Variants in PCDHGC4 observed in about 807,000 individuals in gnomAD.
PCDHGC4 encodes protocadherin gamma subfamily C, 4, also known as protocadherin gamma-C4.
PCDHGC4 carries 15 observed loss-of-function variants against 59.7 expected under a neutral mutation model. The ratio of observed to expected loss-of-function variants is 0.25; its 90% CI spans 0.17 to 0.39. PCDHGC4 has a LOEUF of 0.39. PCDHGC4 is among the 10% of genes least tolerant of loss of function. PCDHGC4 has a pLI of 1.00. For synonymous variants in PCDHGC4, 434 were observed against 481.4 expected, an observed-to-expected ratio of 0.90 and a Z score of 1.29; for missense variants, 1,016 against 1,189.5, an observed-to-expected ratio of 0.85 and a Z score of 2.15.
intron 3 of PCDHGC4, among the ~76,000 whole-genome samples, chr5:141,507,809 C>T (rs866898784): frequency 2.0e-5 from 3 of 152,206 alleles, no homozygotes; most frequent in Non-Finnish European, 2.9e-5. Flanking sequence ...CCCTGGGGAA[C>T]GGACCCTGGG....
chr5:141,485,278 C>T lies in PCDHGC4; in HGVS notation c.105C>T (p.Val35=). Residue 35 remains valine (V), a synonymous_variant, in exon 1 of 4, where the codon GTC becomes GTT. Transcript: ENST00000306593. The surrounding 1 kb of genome is among the most constrained non-coding windows in gnomAD (Gnocchi z 5.7). ...TTTGTGGGCAGATCCGCTACCCGGTCCCAGAGGAGTCACAGGAAGGGACTT... is the reference window on the plus strand; with the variant it reads ...TTTGTGGGCAGATCCGCTACCCGGTTCCAGAGGAGTCACAGGAAGGGACTT... The part of the protein sequence containing the change: ...GYVCGQIRYP[V]PEESQEGTFV... 1 of 1,614,064 alleles carries T rather than the reference C, an allele frequency of 6.2e-7. No homozygotes were observed. The highest frequency in any genetic ancestry group is 1.1e-5 in the South Asian group (1 of 91,080).
chr5:141,492,492 G>A (rs896538392), intron 1 of PCDHGC4, among the ~76,000 whole-genome samples: 2 of 152,206 alleles, frequency 1.3e-5, no homozygotes, highest in African/African-American at 2.4e-5. Context: ...AGGACCAGGC[G>A]AGGACTCCGG....
Position 141,490,778 on chromosome 5 carries a change from A to T in PCDHGC4, c.2442+3163A>T, listed in dbSNP as rs964301520. The T allele has an allele frequency of 5.6e-6, 9 of 1,614,098 alleles. No individual in the cohort carries two copies. The highest frequency in any genetic ancestry group is 7.6e-6 in the Non-Finnish European group (9 of 1,179,962). On this transcript the variant is annotated intron_variant, in intron 1 of 3. Transcript: ENST00000306593. This position sits in a 1 kb window ranked among gnomAD's most constrained non-coding sequence, Gnocchi z 5.4. ...TCCTTTGTGTATGTCAACCCAGAGG[A>T]TGGACGGATCTTTGCCCAGCGTACC... is the stretch of plus-strand genomic sequence containing the variant.
Position 141,489,361 on chromosome 5 carries a change from C to A in PCDHGC4, c.2442+1746C>A. ...TTACTCAGTGGTGGAGGAGTCTGAG[C>A]CGGGGACGCTGGTGGGGAATGTTGC... On this transcript the variant is annotated intron_variant, in intron 1 of 3. Transcript: ENST00000306593. This position sits in a 1 kb window ranked among gnomAD's most constrained non-coding sequence, Gnocchi z 4.5. 1 of 1,612,880 alleles carries A rather than the reference C, an allele frequency of 6.2e-7. No individual in the cohort carries two copies. The highest frequency in any genetic ancestry group is 8.5e-7 in the Non-Finnish European group (1 of 1,179,164).
Position 141,491,883 on chromosome 5 carries a change from G to T in PCDHGC4, c.2443-2924G>T. On this transcript the variant is annotated intron_variant, in intron 1 of 3. Transcript: ENST00000306593. The surrounding 1 kb of genome is among the most constrained non-coding windows in gnomAD (Gnocchi z 6.9). The stretch of plus-strand genomic sequence containing the variant: ...AAACCAGAGTGGCCGATTAAGGGAT[G>T]GGGCTCCGAGCACCGGGGGTGGTGG... 1 of 1,446,756 alleles carries T rather than the reference G, an allele frequency of 6.9e-7. No individual in the cohort carries two copies. Among genetic ancestry groups the T allele is most frequent in the South Asian group, 1.5e-5 (1 of 67,644 alleles). 89.6% of individuals were successfully genotyped at this position (1,446,756 alleles called of 1,614,324 possible). A position where few individuals can be genotyped will look rare whatever the true frequency, so the allele number is the denominator to read the frequency against.
intron 1 of PCDHGC4, among the ~76,000 whole-genome samples, chr5:141,488,510 G>A (rs910546464): frequency 1.3e-5 from 2 of 152,152 alleles, no homozygotes; most frequent in Non-Finnish European, 2.9e-5. Context: ...TCCACATTTG[G>A]GGTCTGGGGT....
chr5:141,490,993 C>G lies in PCDHGC4; in HGVS notation c.2442+3378C>G, dbSNP rs746618787. 1.9e-6 allele frequency: 3 copies of G among 1,614,140 alleles called. No individual in the cohort carries two copies. Among genetic ancestry groups the G allele is most frequent in the Non-Finnish European group, 2.5e-6 (3 of 1,180,030 alleles). On this transcript the variant is annotated intron_variant, in intron 1 of 3. Coordinates refer to ENST00000306593, the MANE Select transcript of PCDHGC4 (RefSeq NM_018928.3). The surrounding 1 kb of genome is among the most constrained non-coding windows in gnomAD (Gnocchi z 5.4). ...CCAGCGTCTCCCTCGCTCTGCTCCT[C>G]CTGGCTCCTTGGTCACCAAGGTGAC...
chr5:141,505,118 C>T (rs544825360), intron 2 of PCDHGC4, among the ~76,000 whole-genome samples: 32 of 152,222 alleles, frequency 2.1e-4, no homozygotes, highest in African/African-American at 7.5e-4. Flanking sequence ...GCCAAGATCG[C>T]GCCACTGCAC....
chr5:141,497,793 G>A (rs2099779480), intron 2 of PCDHGC4, among the ~76,000 whole-genome samples: 1 of 152,180 alleles, frequency 6.6e-6, no homozygotes, highest in Admixed American at 6.5e-5. Flanking sequence ...ACCTGCTTCA[G>A]CTTCCCAAAG....
Position 141,489,087 on chromosome 5 carries a change from T to TCAAA in PCDHGC4, c.2442+1472_2442+1473insCAAA. 4.6e-6 allele frequency: 1 copy of TCAAA among 216,106 alleles called. No individual in the cohort carries two copies. The highest frequency in any genetic ancestry group is 8.4e-6 in the Non-Finnish European group (1 of 118,736). The allele number at this position is 216,106 out of a possible 1,614,324, so 13.4% of individuals were successfully genotyped here. On this transcript the variant is annotated intron_variant, in intron 1 of 3. Coordinates refer to ENST00000306593, the MANE Select transcript of PCDHGC4 (RefSeq NM_018928.3). This position sits in a 1 kb window ranked among gnomAD's most constrained non-coding sequence, Gnocchi z 4.5. The stretch of plus-strand genomic sequence containing the variant: ...CCCCCTGCCCACCCCCGCCACTCGG[T>TCAAA]GACTAAGAACTGCTGCAAGCAGGCA...
rs1012728568 is a variant in PCDHGC4 at position 141,495,487 on chromosome 5, T to C, written c.2501+622T>C. Among the ~76,000 whole-genome samples, 22 of 152,328 alleles carry C rather than the reference T, an allele frequency of 1.4e-4. 1 individual carries two copies. The East Asian group carries it at 4.1e-3, about 28-fold the overall frequency. ...GGGGTCTCCGTGTCTCTGCCCCTTT[T>C]TCTTGAGTTTCCGTCTTTGCCACTT... On this transcript the variant is annotated intron_variant, in intron 2 of 3. Coordinates refer to ENST00000306593, the MANE Select transcript of PCDHGC4 (RefSeq NM_018928.3).
chr5:141,497,831 C>T (rs1336808833), intron 2 of PCDHGC4, among the ~76,000 whole-genome samples: 1 of 152,162 alleles, frequency 6.6e-6, no homozygotes, highest in Non-Finnish European at 1.5e-5. Flanking sequence ...TGATCGCCCC[C>T]GGCCACAACA....
chr5:141,489,222 A>C lies in PCDHGC4; in HGVS notation c.2442+1607A>C. On this transcript the variant is annotated intron_variant, in intron 1 of 3. Coordinates refer to ENST00000306593, the MANE Select transcript of PCDHGC4 (RefSeq NM_018928.3). The surrounding 1 kb of genome is among the most constrained non-coding windows in gnomAD (Gnocchi z 4.5). ...ACAGGACAGCACAGACTTACTCTCC[A>C]CAAAGGGACTTCTGGGTCATGGGGC... 6.6e-7 allele frequency: 1 copy of C among 1,515,652 alleles called. No individual in the cohort carries two copies. Among genetic ancestry groups the C allele is most frequent in the Middle Eastern group, 1.8e-4 (1 of 5,598 alleles). 93.9% of individuals were successfully genotyped at this position (1,515,652 alleles called of 1,614,324 possible).
chr5:141,503,556 G>A (rs1021346255), intron 2 of PCDHGC4, among the ~76,000 whole-genome samples: 1 of 145,962 alleles, frequency 6.9e-6, no homozygotes, highest in East Asian at 2.0e-4. Context: ...CCGAGATCGC[G>A]CCACTGTACT....
intron 1 of PCDHGC4, among the ~76,000 whole-genome samples, chr5:141,492,103 T>G (rs1458656062): frequency 6.6e-6 from 1 of 152,134 alleles, no homozygotes; most frequent in Non-Finnish European, 1.5e-5. Flanking sequence ...GTCTGTAGAT[T>G]TCCTCTTCGA....
chr5:141,491,982 T>G lies in PCDHGC4; in HGVS notation c.2443-2825T>G. On this transcript the variant is annotated intron_variant, in intron 1 of 3. Coordinates refer to ENST00000306593, the MANE Select transcript of PCDHGC4 (RefSeq NM_018928.3). This position sits in a 1 kb window ranked among gnomAD's most constrained non-coding sequence, Gnocchi z 6.9. Reference sequence around the variant, plus strand: ...AAAAGGCCGGGGCCTCCTTCGAGCTTCCGGTGAATTTCGGGCGATTTCCGC... The same window carrying G: ...AAAAGGCCGGGGCCTCCTTCGAGCTGCCGGTGAATTTCGGGCGATTTCCGC... The G allele has an allele frequency of 2.6e-6, 2 of 759,438 alleles. No homozygotes were observed. Among genetic ancestry groups the G allele is most frequent in the East Asian group, 3.2e-5 (1 of 31,728 alleles). The allele number at this position is 759,438 out of a possible 1,614,324, so 47.0% of individuals were successfully genotyped here. A position where few individuals can be genotyped will look rare whatever the true frequency, so the allele number is the denominator to read the frequency against.
chr5:141,510,837 GTCAAGGCCCAGGGTGC>G, intron 3 of PCDHGC4, 94 bp from the exon 4 acceptor site: 1 of 1,586,392 alleles, frequency 6.3e-7, no homozygotes, highest in Non-Finnish European at 8.6e-7. Flanking sequence ...GCTCAGCGTG[GTCAAGGCCCAGGGTGC>G]TGTATAGGCA....
chr5:141,497,104 T>C (rs757158984), intron 2 of PCDHGC4, among the ~76,000 whole-genome samples: 44 of 151,910 alleles, frequency 2.9e-4, no homozygotes, highest in Non-Finnish European at 5.9e-4. Context: ...CAGAACTGCT[T>C]GAACCCGGAA....
At position 141,489,635 on chromosome 5, in the gene PCDHGC4, G is replaced by A. The variant is rs1380466520; in HGVS notation, c.2442+2020G>A. On this transcript the variant is annotated intron_variant, in intron 1 of 3. Coordinates refer to ENST00000306593, the MANE Select transcript of PCDHGC4 (RefSeq NM_018928.3). The surrounding 1 kb of genome is among the most constrained non-coding windows in gnomAD (Gnocchi z 4.5). Reference sequence around the variant, plus strand: ...CTGGATCTCAATGACAACTCTCCTAGCTTTGCCACCCCTGAGCGAGAGATG... The same window carrying A: ...CTGGATCTCAATGACAACTCTCCTAACTTTGCCACCCCTGAGCGAGAGATG... 6.2e-7 allele frequency: 1 copy of A among 1,614,142 alleles called. No individual in the cohort carries two copies. The highest frequency in any genetic ancestry group is 8.5e-7 in the Non-Finnish European group (1 of 1,180,012).
Sources: gnomAD v4.1 joint callset for allele counts (sites outside exome capture counted in the v4.1 genomes callset) on GRCh38, gnomAD v4.1.1 for gene constraint, Gnocchi (gnomAD v3.1) non-coding constraint, MANE v1.5 for transcripts, NCBI Gene and HGNC (gene_info 2026-07-23, HGNC 2026-07-21) for gene names.